GRM7: variants seen among roughly 807,000 people sequenced by gnomAD.
The protein encoded by GRM7 is metabotropic glutamate receptor 7.
In GRM7, 35 loss-of-function variants were observed where a neutral mutation model predicts 84.5. The ratio of observed to expected loss-of-function variants is 0.41; its 90% CI spans 0.32 to 0.55. The LOEUF is 0.55. Among genes scored for constraint, GRM7 ranks in the 20% least tolerant of loss-of-function variants. GRM7 has a pLI of 0.19. For synonymous variants in GRM7, 487 were observed against 455.1 expected (o/e 1.07, Z -0.89); for missense variants, 1,003 against 1,194.6 (o/e 0.84, Z 2.36).
At chr3:7,186,048 AT>A (rs141102520) in intron 2 of GRM7, among the ~76,000 whole-genome samples, 3,496 of 152,266 alleles carry the variant, frequency 0.023, 119 homozygotes, top group African/African-American at 0.071. Context: ...CAGCTTCACC[AT>A]GGGCATGTCT....
intron 4 of GRM7, among the ~76,000 whole-genome samples, chr3:7,409,962 T>C (rs1695854743): frequency 1.3e-5 from 2 of 152,182 alleles, no homozygotes; most frequent in South Asian, 2.1e-4. Flanking sequence ...ATAGTATTTC[T>C]CATTTCAGTG....
At chr3:7,683,761 G>GTTTTTAAT (rs1559485594) in intron 9 of GRM7, among the ~76,000 whole-genome samples, 3 of 152,318 alleles carry the variant, frequency 2.0e-5, no homozygotes, top group East Asian at 3.9e-4. Context: ...TTTTAATTAA[G>GTTTTTAAT]TAAACTTTAT....
At chr3:7,553,945 T>A (rs977218720) in intron 7 of GRM7, among the ~76,000 whole-genome samples, 1 of 152,202 alleles carries the variant, frequency 6.6e-6, no homozygotes, top group Non-Finnish European at 1.5e-5. Flanking sequence ...ATATTATAAA[T>A]GTAGATTAAG....
At chr3:7,355,956 C>A (rs1187779687) in intron 4 of GRM7, among the ~76,000 whole-genome samples, 1 of 152,114 alleles carries the variant, frequency 6.6e-6, no homozygotes, top group African/African-American at 2.4e-5. Context: ...CAGGTGCCAC[C>A]CAGAAGTCAA....
intron 2 of GRM7, among the ~76,000 whole-genome samples, chr3:7,287,984 A>C (rs1699489146): frequency 6.6e-6 from 1 of 152,174 alleles, no homozygotes; most frequent in Non-Finnish European, 1.5e-5. Flanking sequence ...TTTGATATCT[A>C]ATGTGGCAAG....
chr3:6,969,745 C>G (rs1365572135), intron 1 of GRM7, among the ~76,000 whole-genome samples: 1 of 152,132 alleles, frequency 6.6e-6, no homozygotes, highest in Non-Finnish European at 1.5e-5. Flanking sequence ...ACAATTCCAC[C>G]CATATCTAAG....
intron 7 of GRM7, among the ~76,000 whole-genome samples, chr3:7,475,651 G>T (rs543334936): frequency 6.6e-6 from 1 of 152,112 alleles, no homozygotes; most frequent in African/African-American, 2.4e-5. Flanking sequence ...TGTCTATAAC[G>T]AGAGGAGGCT....
rs545968090 is a variant in GRM7 at position 6,984,010 on chromosome 3, A to G, written c.519+122103A>G. On this transcript the variant is annotated intron_variant, in intron 1 of 9. Transcript: ENST00000357716. ...AAAACAAAGAGCTTATGCCAGGCAT[A>G]GGACATTGACAGGGGACCACTTCCG... Among the ~76,000 whole-genome samples, 3 of 152,342 alleles carry G rather than the reference A, an allele frequency of 2.0e-5. No homozygotes were observed. In the East Asian group the frequency reaches 5.8e-4, roughly 29 times the overall value.
chr3:7,431,408 G>C (rs999932796), intron 5 of GRM7, among the ~76,000 whole-genome samples: 1 of 152,046 alleles, frequency 6.6e-6, no homozygotes, highest in Non-Finnish European at 1.5e-5. Flanking sequence ...CCTTCTTAGT[G>C]GGGGGAGATT....
intron 4 of GRM7, among the ~76,000 whole-genome samples, chr3:7,348,513 T>C (rs566240899): frequency 1.3e-5 from 2 of 152,266 alleles, no homozygotes; most frequent in East Asian, 1.9e-4. Flanking sequence ...GGGATAATGA[T>C]AGCTGCTTTA....
intron 1 of GRM7, among the ~76,000 whole-genome samples, chr3:7,099,359 C>CATGTATTATACATGTATATATGTATAT (rs1698984969): frequency 2.0e-5 from 3 of 146,664 alleles, no homozygotes; most frequent in Non-Finnish European, 3.0e-5. Context: ...TATATGTACA[C>CATGTATTATACATGTATATATGTATAT]ATGTATACAT....
chr3:7,139,323 A>G (rs1693871257), intron 1 of GRM7, among the ~76,000 whole-genome samples: 1 of 151,806 alleles, frequency 6.6e-6, no homozygotes, highest in Non-Finnish European at 1.5e-5. Context: ...AACATCTAGC[A>G]TAACACAGCA....
intron 1 of GRM7, among the ~76,000 whole-genome samples, chr3:7,033,395 A>C (rs1300168019): frequency 6.6e-6 from 1 of 152,208 alleles, no homozygotes; most frequent in East Asian, 1.9e-4. Context: ...ATTAAAATAT[A>C]ATATGAAGAA....
intron 6 of GRM7, among the ~76,000 whole-genome samples, chr3:7,456,452 T>G (rs1239500560): frequency 6.8e-6 from 1 of 146,750 alleles, no homozygotes; most frequent in African/African-American, 2.6e-5. Context: ...TTTTTTTCCT[T>G]TTTTTTTTTA....
At chr3:7,210,212 A>T (rs1696375674) in intron 2 of GRM7, among the ~76,000 whole-genome samples, 1 of 152,144 alleles carries the variant, frequency 6.6e-6, no homozygotes, top group Non-Finnish European at 1.5e-5. Context: ...TTCCCACACA[A>T]CATTTGTTGC....
chr3:7,027,111 T>C, intron 1 of GRM7, among the ~76,000 whole-genome samples: 1 of 152,208 alleles, frequency 6.6e-6, no homozygotes. Flanking sequence ...ACCCCTATAT[T>C]CTTGTGGCAA....
intron 8 of GRM7, among the ~76,000 whole-genome samples, chr3:7,643,249 A>G (rs1196966447): frequency 6.6e-6 from 1 of 151,338 alleles, no homozygotes; most frequent in East Asian, 2.0e-4. Flanking sequence ...CATGATCTTA[A>G]GCATATTTCT....
chr3:7,010,370 C>T (rs1695330225), intron 1 of GRM7, among the ~76,000 whole-genome samples: 1 of 152,178 alleles, frequency 6.6e-6, no homozygotes, highest in Non-Finnish European at 1.5e-5. Flanking sequence ...ACAAGAATTG[C>T]TTGAACCCGG....
chr3:7,076,383 A>T (rs1698078408), intron 1 of GRM7, among the ~76,000 whole-genome samples: 1 of 152,116 alleles, frequency 6.6e-6, no homozygotes. Flanking sequence ...TCATGAGGAC[A>T]GTTTCCCCCA....
Sources: gnomAD v4.1 joint callset for allele counts (sites outside exome capture counted in the v4.1 genomes callset) on GRCh38, gnomAD v4.1.1 for gene constraint, MANE v1.5 for transcripts, NCBI Gene and HGNC (gene_info 2026-07-23, HGNC 2026-07-21) for gene names.